TANC1: variants seen among roughly 807,000 people sequenced by gnomAD.
The protein encoded by TANC1 is protein TANC1.
In TANC1, 77 loss-of-function variants were observed where a neutral mutation model predicts 149.7. That is an observed-to-expected ratio of 0.51 (90% CI 0.43 to 0.62). The LOEUF is 0.62. TANC1 is among the 20% of genes least tolerant of loss of function. The pLI is 0.00. For missense variants in TANC1, 1,985 were observed against 2,321.8 expected (o/e 0.85, Z 2.98); for synonymous variants, 854 against 925.0 (o/e 0.92, Z 1.39).
chr2:159,166,548 A>T (rs17422049), intron 8 of TANC1, among the ~76,000 whole-genome samples: 1 of 152,198 alleles, frequency 6.6e-6, no homozygotes, highest in Non-Finnish European at 1.5e-5. Context: ...TTATTGTAGC[A>T]TGAAATTATT....
chr2:159,176,668 TG>T, intron 13 of TANC1, 150 bp downstream of exon 13: 1 of 627,786 alleles, frequency 1.6e-6, no homozygotes, highest in Non-Finnish European at 2.7e-6. Context: ...GAGCCAGACT[TG>T]GGTGAAACTC....
At chr2:159,071,958 A>G (rs1175237317) in intron 3 of TANC1, among the ~76,000 whole-genome samples, 1 of 152,178 alleles carries the variant, frequency 6.6e-6, no homozygotes, top group African/African-American at 2.4e-5. Context: ...TAAACATAGA[A>G]TGGGACTTCT....
intron 14 of TANC1, among the ~76,000 whole-genome samples, chr2:159,180,034 C>T (rs1231601927): frequency 6.6e-6 from 1 of 152,168 alleles, no homozygotes; most frequent in Non-Finnish European, 1.5e-5. Flanking sequence ...TGACCAGATG[C>T]TGGGATCCAG....
Position 159,163,345 on chromosome 2 carries a change from G to C in TANC1, c.745G>C (p.Asp249His). The change falls in exon 8 of 27, where the codon GAT becomes CAT. Residue 249 changes from aspartate (D) to histidine (H), a missense_variant. Asp to His is a moderately conservative substitution (Grantham distance 81). Transcript: ENST00000263635. ...RSGSSLEWNK[D>H]GNLRLGVQKG... ...TGGCTCCAGTTTGGAATGGAATAAA[G>C]ATGGAAACCTAAGATTAGGGGTTCA... 6.2e-7 allele frequency: 1 copy of C among 1,614,214 alleles called. No individual in the cohort carries two copies. The highest frequency in any genetic ancestry group is 1.6e-4 in the Middle Eastern group (1 of 6,062).
Position 159,231,040 on chromosome 2 carries a change from T to C in TANC1, c.*28T>C, listed in dbSNP as rs763775062. ...CTTAAGAAATCCCCATTTGTGGAAT[T>C]TGGAAACGTGTGTTGACTCCTGGTG... On this transcript the variant is annotated 3_prime_UTR_variant, in exon 27 of 27. Coordinates refer to ENST00000263635, the MANE Select transcript of TANC1 (RefSeq NM_033394.3). The C allele has an allele frequency of 6.5e-7, 1 of 1,527,484 alleles. No individual in the cohort carries two copies. Among genetic ancestry groups the C allele is most frequent in the South Asian group, 1.2e-5 (1 of 81,504 alleles). The allele number at this position is 1,527,484 out of a possible 1,614,324, so 94.6% of individuals were successfully genotyped here.
At chr2:159,036,957 C>G (rs1469660284) in intron 2 of TANC1, among the ~76,000 whole-genome samples, 7 of 152,204 alleles carry the variant, frequency 4.6e-5, no homozygotes, top group Non-Finnish European at 1.0e-4. Flanking sequence ...AATGGTTGAA[C>G]TAGTTTACAA....
intron 19 of TANC1, 34 bp downstream of exon 19, chr2:159,199,087 A>G (rs760804674): frequency 2.6e-5 from 40 of 1,558,982 alleles, no homozygotes; most frequent in Non-Finnish European, 3.3e-5. Flanking sequence ...AGTCTGGGGC[A>G]GCTTGCTTGA....
chr2:159,223,273 C>A (rs2059814035), intron 22 of TANC1, among the ~76,000 whole-genome samples: 1 of 152,114 alleles, frequency 6.6e-6, no homozygotes, highest in Non-Finnish European at 1.5e-5. Context: ...CATGGCCCTG[C>A]ATGTCTGAGG....
intron 2 of TANC1, among the ~76,000 whole-genome samples, chr2:159,032,121 C>T (rs900269996): frequency 2.6e-5 from 4 of 152,054 alleles, no homozygotes; most frequent in South Asian, 4.2e-4. Flanking sequence ...AGATAGGGGG[C>T]GTGTCATTAA....
chr2:159,064,837 C>A (rs1419500681), intron 2 of TANC1, among the ~76,000 whole-genome samples: 2 of 152,162 alleles, frequency 1.3e-5, no homozygotes, highest in Non-Finnish European at 2.9e-5. Flanking sequence ...GGCATTTGTG[C>A]TAACTAGGCA....
At chr2:159,059,518 T>TAC (rs1030157241) in intron 2 of TANC1, among the ~76,000 whole-genome samples, 2 of 145,788 alleles carry the variant, frequency 1.4e-5, no homozygotes, top group Non-Finnish European at 3.0e-5. Flanking sequence ...AAAAACCAAA[T>TAC]ATATAAAAAA....
intron 1 of TANC1, among the ~76,000 whole-genome samples, chr2:158,972,179 A>AAT: frequency 6.6e-6 from 1 of 152,222 alleles, no homozygotes. Context: ...TTCAGGGTGT[A>AAT]ATGTGATTTA....
intron 1 of TANC1, among the ~76,000 whole-genome samples, chr2:158,971,938 C>T (rs139910076): frequency 2.3e-3 from 344 of 152,268 alleles, no homozygotes; most frequent in South Asian, 4.3e-3. Context: ...TTCAAACCTG[C>T]CAAACAGACT....
intron 4 of TANC1, among the ~76,000 whole-genome samples, chr2:159,120,694 C>T (rs1272603188): frequency 6.6e-6 from 1 of 152,150 alleles, no homozygotes; most frequent in African/African-American, 2.4e-5. Flanking sequence ...GCAGCCTCAA[C>T]CTCCCAAGCT....
intron 8 of TANC1, 28 bp from the exon 9 acceptor site, chr2:159,169,222 G>C (rs1365060021): frequency 6.3e-7 from 1 of 1,595,628 alleles, no homozygotes; most frequent in East Asian, 2.2e-5. Flanking sequence ...CACCTTTGAA[G>C]ATACTAAACT....
chr2:159,034,607 G>T, intron 2 of TANC1, among the ~76,000 whole-genome samples: 1 of 152,298 alleles, frequency 6.6e-6, no homozygotes, highest in East Asian at 1.9e-4. Context: ...CAGGACACCT[G>T]TCTCATGGAA....
intron 2 of TANC1, among the ~76,000 whole-genome samples, chr2:159,017,635 A>T (rs1017275383): frequency 1.3e-5 from 2 of 152,100 alleles, no homozygotes; most frequent in Non-Finnish European, 2.9e-5. Context: ...TATTTCACAT[A>T]TTTTTTTAAT....
intron 4 of TANC1, among the ~76,000 whole-genome samples, chr2:159,111,755 A>C (rs1207629690): frequency 6.6e-6 from 1 of 152,198 alleles, no homozygotes; most frequent in Non-Finnish European, 1.5e-5. Flanking sequence ...CCCTGGTCAC[A>C]ACTGCACCAT....
intron 2 of TANC1, among the ~76,000 whole-genome samples, chr2:159,063,795 T>G (rs1326941888): frequency 6.6e-6 from 1 of 151,990 alleles, no homozygotes; most frequent in East Asian, 1.9e-4. Flanking sequence ...GAAAACAGGG[T>G]GTCTGGGATG....
Sources: allele counts gnomAD v4.1 joint callset (sites outside exome capture counted in the v4.1 genomes callset), GRCh38; gene constraint gnomAD v4.1.1; transcripts MANE v1.5; gene names NCBI Gene and HGNC (gene_info 2026-07-23, HGNC 2026-07-21).